Variants in FARP2 observed in about 807,000 individuals in gnomAD.
The protein encoded by FARP2 is FERM, ARHGEF and pleckstrin domain-containing protein 2.
Under a neutral mutation model 130.5 loss-of-function variants are expected in FARP2, and 111 were observed. The observed-to-expected ratio is 0.85, with a 90% CI of 0.73 to 1.00. The LOEUF (loss-of-function observed/expected upper bound fraction) is 1.00, where lower values mean the gene tolerates loss of function less well. Ranked by LOEUF, FARP2 falls within the 50% of genes least tolerant of loss-of-function variation. The probability of loss-of-function intolerance (pLI) is 0.00; values close to 1 mark genes in which losing one functional copy is unlikely to be tolerated. For missense variants in FARP2, 1,385 were observed against 1,346.3 expected, an observed-to-expected ratio of 1.03 and a Z score of -0.45; for synonymous variants, 504 against 516.9, an observed-to-expected ratio of 0.98 and a Z score of 0.34.
At chr2:241,430,070 G>A (rs2063053383) in intron 8 of FARP2, among the ~76,000 whole-genome samples, 1 of 152,118 alleles carries the variant, frequency 6.6e-6, no homozygotes, top group Admixed American at 6.6e-5. Context: ...GGAAGGAAGA[G>A]TTTTCTCTCC....
At chr2:241,418,743 C>T (rs1574785051) in intron 8 of FARP2, among the ~76,000 whole-genome samples, 1 of 152,124 alleles carries the variant, frequency 6.6e-6, no homozygotes, top group East Asian at 1.9e-4. Flanking sequence ...TTTGTGATGT[C>T]CAAGAAGCTT....
rs773698638 is a variant in FARP2 at position 241,418,129 on chromosome 2, A to G, written c.771+20A>G. 1 of 1,613,910 alleles carries G rather than the reference A, an allele frequency of 6.2e-7. No individual in the cohort carries two copies. The highest frequency in any genetic ancestry group is 1.1e-5 in the South Asian group (1 of 91,066). On this transcript the variant is annotated intron_variant, in intron 8 of 26. Coordinates refer to ENST00000264042, the MANE Select transcript of FARP2 (RefSeq NM_014808.4). ...TTCCAGGTAGGCCAGTGGGGAAGGGAGGGGTGAGAACAGGGCAGGGGAGGT... is the reference window on the plus strand; with the variant it reads ...TTCCAGGTAGGCCAGTGGGGAAGGGGGGGGTGAGAACAGGGCAGGGGAGGT...
At chr2:241,412,887 G>A (rs567582160) in intron 6 of FARP2, among the ~76,000 whole-genome samples, 5 of 152,240 alleles carry the variant, frequency 3.3e-5, no homozygotes, top group South Asian at 4.1e-4. Context: ...AATTAGCTGG[G>A]CATGATGGTG....
At chr2:241,453,577 G>C (rs192079997) in intron 13 of FARP2, among the ~76,000 whole-genome samples, 2 of 151,228 alleles carry the variant, frequency 1.3e-5, no homozygotes, top group South Asian at 2.1e-4. Context: ...AGCCGAGATC[G>C]TGTCACTGCA....
intron 1 of FARP2, among the ~76,000 whole-genome samples, chr2:241,359,989 C>T (rs2150275898): frequency 6.6e-6 from 1 of 152,254 alleles, no homozygotes; most frequent in South Asian, 2.1e-4. Flanking sequence ...TGTCTTGGAC[C>T]TTGTCCTCTT....
Position 241,475,747 on chromosome 2 carries a change from T to C in FARP2, c.2132-110T>C. On this transcript the variant is annotated intron_variant, in intron 18 of 26. Coordinates refer to ENST00000264042, the MANE Select transcript of FARP2 (RefSeq NM_014808.4). The surrounding 1 kb of genome is among the most constrained non-coding windows in gnomAD (Gnocchi z 4.4). The stretch of plus-strand genomic sequence containing the variant: ...TATAAGGAGTCGAGTAGGATGTACC[T>C]CTAATTAGAACTGCCTTTTAGAATG... 1 of 976,838 alleles carries C rather than the reference T, an allele frequency of 1.0e-6. No individual in the cohort carries two copies. Among genetic ancestry groups the C allele is most frequent in the South Asian group, 2.5e-5 (1 of 39,650 alleles). The allele number at this position is 976,838 out of a possible 1,614,324, so 60.5% of individuals were successfully genotyped here.
chr2:241,422,416 GA>G (rs1236835210), intron 8 of FARP2, among the ~76,000 whole-genome samples: 1 of 149,702 alleles, frequency 6.7e-6, no homozygotes, highest in African/African-American at 2.5e-5. Context: ...AAAAAAAACA[GA>G]AAACAACAAC....
intron 7 of FARP2, among the ~76,000 whole-genome samples, chr2:241,414,574 G>A (rs1352314336): frequency 1.3e-5 from 2 of 152,220 alleles, no homozygotes; most frequent in African/African-American, 4.8e-5. Context: ...GGCACAGACT[G>A]AGGTGCCTAC....
chr2:241,455,563 G>T (rs955456944), intron 13 of FARP2, among the ~76,000 whole-genome samples: 1 of 151,444 alleles, frequency 6.6e-6, no homozygotes, highest in Non-Finnish European at 1.5e-5. Context: ...TGTATTTTTA[G>T]TAGGGATGGA....
At chr2:241,453,768 GGTTTTTTTTTTTTTTTTTTTTT>G in intron 13 of FARP2, among the ~76,000 whole-genome samples, 1 of 99,882 alleles carries the variant, frequency 1.0e-5, no homozygotes, top group East Asian at 3.7e-4. Flanking sequence ...GGCACTTACT[GGTTTTTTTTTTTTTTTTTTTTT>G]TTTTTTTTTT....
chr2:241,360,982 A>C (rs1380197827), intron 1 of FARP2, among the ~76,000 whole-genome samples: 1 of 151,914 alleles, frequency 6.6e-6, no homozygotes, highest in Admixed American at 6.6e-5. Flanking sequence ...TCCCAGAAAA[A>C]CAGGTGTTCA....
intron 17 of FARP2, among the ~76,000 whole-genome samples, chr2:241,464,267 T>A (rs989863232): frequency 2.0e-5 from 3 of 149,542 alleles, no homozygotes; most frequent in African/African-American, 7.4e-5. Flanking sequence ...CAAGGTTTCC[T>A]GAGAACAGGG....
At chr2:241,422,103 C>T (rs914362543) in intron 8 of FARP2, among the ~76,000 whole-genome samples, 1 of 151,792 alleles carries the variant, frequency 6.6e-6, no homozygotes, top group African/African-American at 2.4e-5. Context: ...TGAGATCACA[C>T]CACTGCACTC....
chr2:241,401,836 G>T (rs2062174604), intron 2 of FARP2, among the ~76,000 whole-genome samples: 1 of 151,718 alleles, frequency 6.6e-6, no homozygotes, highest in African/African-American at 2.4e-5. Flanking sequence ...AGGCTGGAGT[G>T]CAATGGCGCA....
chr2:241,465,785 C>T (rs2064154035), intron 17 of FARP2: 4 of 1,550,136 alleles, frequency 2.6e-6, no homozygotes, highest in Admixed American at 2.0e-5. Flanking sequence ...CCATCCCTCG[C>T]CTGTCCCACC....
At chr2:241,386,359 G>C (rs894054143) in intron 2 of FARP2, among the ~76,000 whole-genome samples, 1 of 152,186 alleles carries the variant, frequency 6.6e-6, no homozygotes, top group African/African-American at 2.4e-5. Flanking sequence ...TGATTCTCTT[G>C]AGTAGCTGGG....
rs2064856418 is a variant in FARP2 at position 241,490,099 on chromosome 2, T to A, written c.2504+55T>A. ...CAGCCCTGGATGGAGGGGTGGGGAC[T>A]TCCTCGCCATGAGCCTCTGAGTCCT... On this transcript the variant is annotated intron_variant, in intron 22 of 26. Transcript: ENST00000264042. The A allele has an allele frequency of 2.4e-6, 3 of 1,263,252 alleles. No individual in the cohort carries two copies. In the East Asian group the frequency reaches 6.9e-5, roughly 29 times the overall value. 78.3% of individuals were successfully genotyped at this position (1,263,252 alleles called of 1,614,324 possible). A position where few individuals can be genotyped will look rare whatever the true frequency, so the allele number is the denominator to read the frequency against.
At chr2:241,458,492 G>A (rs1426478980) in intron 14 of FARP2, among the ~76,000 whole-genome samples, 2 of 152,194 alleles carry the variant, frequency 1.3e-5, no homozygotes, top group Non-Finnish European at 2.9e-5. Context: ...GGTCCCCCTG[G>A]ATCCCACTGG....
At chr2:241,458,204 T>G (rs777925931) in intron 14 of FARP2, among the ~76,000 whole-genome samples, 7 of 152,042 alleles carry the variant, frequency 4.6e-5, no homozygotes. Context: ...GTAGACTATA[T>G]TGGGCCTGGA....
Sources: gnomAD v4.1 joint callset for allele counts (sites outside exome capture counted in the v4.1 genomes callset) on GRCh38, gnomAD v4.1.1 for gene constraint, Gnocchi (gnomAD v3.1) non-coding constraint, MANE v1.5 for transcripts, NCBI Gene and HGNC (gene_info 2026-07-23, HGNC 2026-07-21) for gene names.